Variants in ABL2 observed in about 807,000 individuals in gnomAD.
ABL2 encodes ABL proto-oncogene 2, non-receptor tyrosine kinase.
In ABL2, 49 loss-of-function variants were observed where a neutral mutation model predicts 107.7. That is an observed-to-expected ratio of 0.45 (90% CI 0.36 to 0.58). The LOEUF is 0.58. ABL2 is among the 20% of genes least tolerant of loss of function. ABL2 has a pLI of 0.00. For missense variants in ABL2, 1,245 were observed against 1,457.0 expected (o/e 0.85, Z 2.37); for synonymous variants, 549 against 548.6 (o/e 1.00, Z -0.01).
In ABL2 at chr1:179,126,874, A is replaced by G. The variant is rs1557931460; in HGVS notation, c.392-202T>C. On this transcript the variant is annotated intron_variant, in intron 3 of 11. Transcript: ENST00000502732. The surrounding 1 kb of genome is among the most constrained non-coding windows in gnomAD (Gnocchi z 4.4). ...TCTCTTTAGCTTTTAGCTTAACCAC[A>G]GAAGTATGGTCACAAATGGTTTTCT... Among the ~76,000 whole-genome samples, 2 of 152,108 alleles carry G rather than the reference A, an allele frequency of 1.3e-5. No homozygotes were observed. Among genetic ancestry groups the G allele is most frequent in the African/African-American group, 2.4e-5 (1 of 41,412 alleles).
At chr1:179,116,124 A>C (rs368894167) in intron 8 of ABL2, among the ~76,000 whole-genome samples, 2 of 152,272 alleles carry the variant, frequency 1.3e-5, no homozygotes, top group Admixed American at 6.5e-5. Context: ...CTGTAATCCC[A>C]ACACTTTGGG....
chr1:179,105,076 G>T lies in ABL2; in HGVS notation c.*2642C>A, dbSNP rs1048599257. The T allele has an allele frequency of 6.1e-5, 14 of 230,256 alleles. No individual in the cohort carries two copies. Among genetic ancestry groups the T allele is most frequent in the Middle Eastern group, 1.3e-3 (1 of 794 alleles). 14.3% of individuals were successfully genotyped at this position (230,256 alleles called of 1,614,324 possible). On this transcript the variant is annotated 3_prime_UTR_variant, in exon 12 of 12. Coordinates refer to ENST00000502732, the MANE Select transcript of ABL2 (RefSeq NM_007314.4). ...ATAGTTCAAGCATCATGTGGACGGG[G>T]TATGCTCCAATAGTCAATGCCACTC...
chr1:179,125,857 A>G (rs1414792956), intron 4 of ABL2, among the ~76,000 whole-genome samples: 2 of 152,250 alleles, frequency 1.3e-5, no homozygotes, highest in African/African-American at 4.8e-5. Context: ...TGTAGTTTAT[A>G]ATGTGTAAAC....
chr1:179,201,842 A>C lies in ABL2; in HGVS notation c.157+27399T>G, dbSNP rs572483742. ...TGGCTATTAACATGGTGACAGAAGA[A>C]GACAAAAGGACTCTTTGAGACATCA... is the stretch of plus-strand genomic sequence containing the variant. On this transcript the variant is annotated intron_variant, in intron 1 of 11. Transcript: ENST00000502732. The C allele has an allele frequency of 3.7e-5, 46 of 1,254,178 alleles. No homozygotes were observed. In the South Asian group the frequency reaches 5.1e-4, roughly 14 times the overall value. 77.7% of individuals were successfully genotyped at this position (1,254,178 alleles called of 1,614,324 possible).
chr1:179,160,455 T>C (rs1329717287), intron 1 of ABL2, among the ~76,000 whole-genome samples: 17 of 152,054 alleles, frequency 1.1e-4, no homozygotes, highest in Admixed American at 1.1e-3. Context: ...ATTCCAAACT[T>C]TTGGAACAAA....
intron 1 of ABL2, among the ~76,000 whole-genome samples, chr1:179,151,121 C>T (rs1250052716): frequency 1.3e-5 from 2 of 152,140 alleles, no homozygotes; most frequent in East Asian, 1.9e-4. Flanking sequence ...TTGTTTGACT[C>T]ATTTTATGGT....
At chr1:179,155,394 T>C (rs185585974) in intron 1 of ABL2, among the ~76,000 whole-genome samples, 1 of 152,284 alleles carries the variant, frequency 6.6e-6, no homozygotes, top group Admixed American at 6.5e-5. Context: ...CACAAATTTT[T>C]CCAAAGTGAA....
Position 179,103,107 on chromosome 1 carries a change from T to C in ABL2, c.*4611A>G, listed in dbSNP as rs1249966135. ...CCTCATCCTTCTTGAGTCAAGGTCC[T>C]TGGAAGAGCTTCTGTGTTCTGGAGT... On this transcript the variant is annotated 3_prime_UTR_variant, in exon 12 of 12. Coordinates refer to ENST00000502732, the MANE Select transcript of ABL2 (RefSeq NM_007314.4). 1 of 220,842 alleles carries C rather than the reference T, an allele frequency of 4.5e-6. No individual in the cohort carries two copies. The highest frequency in any genetic ancestry group is 9.1e-6 in the Non-Finnish European group (1 of 110,234). 13.7% of individuals were successfully genotyped at this position (220,842 alleles called of 1,614,324 possible). A position where few individuals can be genotyped will look rare whatever the true frequency, so the allele number is the denominator to read the frequency against.
At chr1:179,190,030 T>G (rs1557986267) in intron 1 of ABL2, among the ~76,000 whole-genome samples, 2 of 152,150 alleles carry the variant, frequency 1.3e-5, no homozygotes, top group African/African-American at 2.4e-5. Flanking sequence ...ATGTTGAGGC[T>G]GGTCTCGAAC....
intron 1 of ABL2, among the ~76,000 whole-genome samples, chr1:179,149,837 C>T (rs1233014910): frequency 6.6e-6 from 1 of 152,188 alleles, no homozygotes; most frequent in Non-Finnish European, 1.5e-5. Context: ...TGCACTTGGT[C>T]ACTTGGTACA....
At chr1:179,136,399 G>A (rs565917443) in intron 1 of ABL2, among the ~76,000 whole-genome samples, 2 of 152,124 alleles carry the variant, frequency 1.3e-5, no homozygotes, top group Non-Finnish European at 2.9e-5. Flanking sequence ...CCTGTTGATC[G>A]GTGACCTTAC....
chr1:179,170,454 T>C (rs540021362), intron 1 of ABL2, among the ~76,000 whole-genome samples: 29 of 152,232 alleles, frequency 1.9e-4, no homozygotes, highest in South Asian at 6.2e-4. Context: ...TCTTATTCTG[T>C]CACCCAGGCT....
intron 1 of ABL2, among the ~76,000 whole-genome samples, chr1:179,219,787 A>T (rs1353419201): frequency 6.6e-6 from 1 of 152,252 alleles, no homozygotes; most frequent in Non-Finnish European, 1.5e-5. Context: ...GAGAAAATGA[A>T]GTAATAAATA....
At position 179,131,462 on chromosome 1, in the gene ABL2, A is replaced by G. The variant is rs1271029074; in HGVS notation, c.240T>C (p.Tyr80=). 1 of 1,614,030 alleles carries G rather than the reference A, an allele frequency of 6.2e-7. No individual in the cohort carries two copies. Among genetic ancestry groups the G allele is most frequent in the Non-Finnish European group, 8.5e-7 (1 of 1,179,904 alleles). The change falls in exon 3 of 12, where the codon TAT becomes TAC. Residue 80 remains tyrosine (Y), a synonymous_variant. Transcript: ENST00000502732. ...GTGCCTGGGGTTCAACATCACAACCATAGGGACGATGCAAAGCTTCTGAAA... is the reference window on the plus strand; with the variant it reads ...GTGCCTGGGGTTCAACATCACAACCGTAGGGACGATGCAAAGCTTCTGAAA... ...GSSPEALHRP[Y]GCDVEPQALN... is the part of the protein sequence containing the mutation.
chr1:179,227,398 A>C (rs181874282), intron 1 of ABL2, among the ~76,000 whole-genome samples: 3 of 152,172 alleles, frequency 2.0e-5, no homozygotes, highest in African/African-American at 7.2e-5. Flanking sequence ...TCAACAAATT[A>C]TATCTATTCC....
In ABL2 at chr1:179,131,222, G is replaced by A. The variant is rs948638013; in HGVS notation, c.391+89C>T. The A allele has an allele frequency of 5.1e-5, 72 of 1,420,284 alleles. No homozygotes were observed. In the Admixed American group the frequency reaches 1.4e-3, roughly 28 times the overall value. The allele number at this position is 1,420,284 out of a possible 1,614,324, so 88.0% of individuals were successfully genotyped here. On this transcript the variant is annotated intron_variant, in intron 3 of 11. Coordinates refer to ENST00000502732, the MANE Select transcript of ABL2 (RefSeq NM_007314.4). ...GCCTCCCAAAGTGCTGAGATTATAGGTGTGAGCCACTGTGCCTGGCCAGGC... is the reference window on the plus strand; with the variant it reads ...GCCTCCCAAAGTGCTGAGATTATAGATGTGAGCCACTGTGCCTGGCCAGGC...
intron 2 of ABL2, 22 bp from the exon 3 acceptor site, chr1:179,131,503 G>A: frequency 6.2e-7 from 1 of 1,610,024 alleles, no homozygotes; most frequent in Non-Finnish European, 8.5e-7. Flanking sequence ...AAGAAGGGAA[G>A]GGAATTCACG....
intron 7 of ABL2, among the ~76,000 whole-genome samples, chr1:179,117,785 A>C (rs142169677): frequency 6.6e-5 from 10 of 152,258 alleles, no homozygotes; most frequent in African/African-American, 2.4e-4. Context: ...GCTTTTCTAC[A>C]AGACTAAGTT....
chr1:179,228,102 C>T (rs1363862849), intron 1 of ABL2, among the ~76,000 whole-genome samples: 9 of 145,496 alleles, frequency 6.2e-5, no homozygotes, highest in Non-Finnish European at 1.0e-4. Flanking sequence ...TGGTGGCTCA[C>T]ACCCGTAATC....
Sources: gnomAD v4.1 joint callset for allele counts (sites outside exome capture counted in the v4.1 genomes callset) on GRCh38, gnomAD v4.1.1 for gene constraint, Gnocchi (gnomAD v3.1) non-coding constraint, MANE v1.5 for transcripts, NCBI Gene and HGNC (gene_info 2026-07-23, HGNC 2026-07-21) for gene names.